The following CYP4X1 variants were observed in gnomAD, a reference collection of about 807,000 sequenced individuals.
The protein encoded by CYP4X1 is cytochrome P450 family 4 subfamily X member 1, also known as cytochrome P450 4X1.
CYP4X1 carries 44 observed loss-of-function variants against 57.9 expected under a neutral mutation model. The ratio of observed to expected loss-of-function variants is 0.76; its 90% confidence interval spans 0.60 to 0.98. The LOEUF (loss-of-function observed/expected upper bound fraction) is 0.98, where lower values mean the gene tolerates loss of function less well. Ranked by LOEUF, CYP4X1 falls within the 50% of genes least tolerant of loss-of-function variation. The pLI is 0.00. For synonymous variants in CYP4X1, 227 were observed against 228.6 expected (o/e 0.99, Z 0.06); for missense variants, 532 against 623.9 (o/e 0.85, Z 1.57).
chr1:47,053,592 T>A (rs558721019), downstream of CYP4X1, among the ~76,000 whole-genome samples: 1 of 152,354 alleles, frequency 6.6e-6, no homozygotes, highest in South Asian at 2.1e-4. Flanking sequence ...GTTTCCTGAC[T>A]TTTTAATGAT....
chr1:47,033,513 GTC>G, intron 4 of CYP4X1, 145 bp downstream of exon 4: 2 of 1,001,476 alleles, frequency 2.0e-6, no homozygotes, highest in Non-Finnish European at 2.8e-6. Flanking sequence ...AACAATAGGT[GTC>G]TGTAAAAAAT....
the CYP4X1 span, among the ~76,000 whole-genome samples, chr1:46,977,812 G>A: frequency 1.3e-5 from 2 of 152,070 alleles, no homozygotes; most frequent in South Asian, 4.2e-4. Context: ...AAGAGTGGGG[G>A]TCAATATTCA....
the CYP4X1 span, among the ~76,000 whole-genome samples, chr1:46,989,748 A>T: frequency 6.6e-6 from 1 of 152,352 alleles, no homozygotes; most frequent in South Asian, 2.1e-4. Context: ...ATAACACCAC[A>T]TATCTACAAC....
chr1:47,020,412 A>G (rs78527897), upstream of CYP4X1, among the ~76,000 whole-genome samples: 602 of 152,350 alleles, frequency 4.0e-3, 8 homozygotes, highest in African/African-American at 0.014. Context: ...CTCCTCAGCT[A>G]CAAAACTTTT....
At chr1:47,031,527 C>A in intron 3 of CYP4X1, 47 bp downstream of exon 3, 1 of 1,596,720 alleles carries the variant, frequency 6.3e-7, no homozygotes, top group Non-Finnish European at 8.6e-7. Context: ...ATTCAAAGTC[C>A]CCTTTCCATA....
chr1:46,991,160 G>A, the CYP4X1 span, among the ~76,000 whole-genome samples: 1 of 151,992 alleles, frequency 6.6e-6, no homozygotes, highest in Non-Finnish European at 1.5e-5. Context: ...CTTCCAGACT[G>A]CTTTTAATGC....
chr1:47,020,219 C>T (rs1502908), upstream of CYP4X1, among the ~76,000 whole-genome samples: 73,927 of 152,032 alleles, frequency 0.49, 19,447 homozygotes, highest in East Asian at 0.97. Flanking sequence ...TTTCCTACTT[C>T]GTCCACATAG....
At chr1:47,038,585 A>G in intron 6 of CYP4X1, 75 bp from the exon 7 acceptor site, 5 of 1,152,960 alleles carry the variant, frequency 4.3e-6, no homozygotes, top group Non-Finnish European at 6.2e-6. Context: ...GAAGCTATTC[A>G]CTAACCATGG....
the CYP4X1 span, among the ~76,000 whole-genome samples, chr1:47,002,438 G>A: frequency 7.0e-4 from 107 of 152,338 alleles, no homozygotes; most frequent in African/African-American, 2.5e-3. Context: ...CAATGCTTAG[G>A]AGGAAGTTCT....
At chr1:46,965,030 C>G in the CYP4X1 span, among the ~76,000 whole-genome samples, 1 of 152,214 alleles carries the variant, frequency 6.6e-6, no homozygotes, top group Non-Finnish European at 1.5e-5. Context: ...GTGTAGGACC[C>G]TCCAAGCCAG....
chr1:46,988,670 A>C, the CYP4X1 span, among the ~76,000 whole-genome samples: 1 of 152,182 alleles, frequency 6.6e-6, no homozygotes, highest in East Asian at 1.9e-4. Context: ...GCAGCACATC[A>C]AAAAGCTTAT....
rs370213777 is a variant in CYP4X1, at chr1:47,023,831, G to A, written c.14G>A (p.Trp5Ter). Residue 5 changes from tryptophan to a stop codon, truncating the protein, a stop_gained, in exon 1 of 12, where the codon TGG becomes TAG. Transcript: ENST00000371901. LOFTEE classifies it high-confidence loss of function. The part of the protein sequence containing the change: MEFS[W>*]LETRWARPFY... ...CTGCGCAGAGCCATGGAATTCTCCTGGCTGGAGACGCGCTGGGCGCGGCCC... is the reference window on the plus strand; with the variant it reads ...CTGCGCAGAGCCATGGAATTCTCCTAGCTGGAGACGCGCTGGGCGCGGCCC... 13 of 1,612,984 alleles carry A rather than the reference G, an allele frequency of 8.1e-6. No individual in the cohort carries two copies. In the African/African-American group the frequency reaches 1.6e-4, roughly 20 times the overall value.
At chr1:46,987,150 C>T in the CYP4X1 span, among the ~76,000 whole-genome samples, 19 of 152,090 alleles carry the variant, frequency 1.2e-4, no homozygotes, top group African/African-American at 4.6e-4. Context: ...TGCAAAGACA[C>T]ACGTAGGCTC....
At chr1:47,037,331 G>A (rs1644196193) in intron 6 of CYP4X1, among the ~76,000 whole-genome samples, 1 of 145,406 alleles carries the variant, frequency 6.9e-6, no homozygotes, top group South Asian at 2.2e-4. Flanking sequence ...GAGCGCAGTG[G>A]TGTGATCTCA....
rs1644325756 is a variant in CYP4X1 at position 47,048,434 on chromosome 1, A to G, written c.1208-131A>G. The G allele has an allele frequency of 4.2e-6, 4 of 960,664 alleles. No homozygotes were observed. In the South Asian group the frequency reaches 5.2e-5, roughly 12 times the overall value. The allele number at this position is 960,664 out of a possible 1,614,324, so 59.5% of individuals were successfully genotyped here. Reference sequence around the variant, plus strand: ...TTCTTAGGTGCTCCTCACTGGTGTCATCAGCTACAGCAGGCAGAGCATTGC... The same window carrying G: ...TTCTTAGGTGCTCCTCACTGGTGTCGTCAGCTACAGCAGGCAGAGCATTGC... On this transcript the variant is annotated intron_variant, in intron 9 of 11. Transcript: ENST00000371901.
intron 4 of CYP4X1, among the ~76,000 whole-genome samples, chr1:47,034,581 C>G (rs749821072): frequency 4.6e-5 from 7 of 152,158 alleles, no homozygotes; most frequent in Non-Finnish European, 7.4e-5. Context: ...ATTGGGTTCT[C>G]AGCCAAACTC....
the CYP4X1 span, among the ~76,000 whole-genome samples, chr1:46,985,981 T>C: frequency 6.6e-6 from 1 of 152,036 alleles, no homozygotes; most frequent in Non-Finnish European, 1.5e-5. Flanking sequence ...TGATCACAAC[T>C]CCTCACCAGC....
chr1:47,011,734 A>G, the CYP4X1 span, among the ~76,000 whole-genome samples: 1 of 152,218 alleles, frequency 6.6e-6, no homozygotes, highest in Non-Finnish European at 1.5e-5. Flanking sequence ...CAACCCCATC[A>G]AAAAGTGGAC....
intron 8 of CYP4X1, among the ~76,000 whole-genome samples, chr1:47,040,554 G>A (rs755038138): frequency 3.9e-5 from 6 of 152,010 alleles, no homozygotes; most frequent in Non-Finnish European, 8.8e-5. Flanking sequence ...ATTTTATAAG[G>A]AAATAGAAGC....
Sources: allele counts gnomAD v4.1 joint callset (sites outside exome capture counted in the v4.1 genomes callset), GRCh38; gene constraint gnomAD v4.1.1; transcripts MANE v1.5; gene names NCBI Gene and HGNC (gene_info 2026-07-23, HGNC 2026-07-21).